QTMAN: variants seen among roughly 807,000 people sequenced by gnomAD.
QTMAN encodes the protein tRNA-queuosine alpha-mannosyltransferase.
At chr2:144,262,016 G>A in the QTMAN span, among the ~76,000 whole-genome samples, 1 of 152,142 alleles carries the variant, frequency 6.6e-6, no homozygotes, top group Non-Finnish European at 1.5e-5. Context: ...AAGAAAGGAG[G>A]AGCATTAACA....
chr2:144,188,182 A>G, the QTMAN span, among the ~76,000 whole-genome samples: 1 of 152,248 alleles, frequency 6.6e-6, no homozygotes, highest in East Asian at 1.9e-4. Flanking sequence ...TGGTCAAATC[A>G]GTGCAAGAAG....
At chr2:143,988,516 G>A in the QTMAN span, among the ~76,000 whole-genome samples, 3 of 152,260 alleles carry the variant, frequency 2.0e-5, no homozygotes, top group Non-Finnish European at 2.9e-5. Flanking sequence ...ATACAGGATA[G>A]CTCTGATATG....
chr2:144,044,596 G>C, the QTMAN span, among the ~76,000 whole-genome samples: 24 of 151,958 alleles, frequency 1.6e-4, no homozygotes, highest in Non-Finnish European at 3.2e-4. Flanking sequence ...CCCCAAGCCA[G>C]GTAATAAAAG....
chr2:144,297,893 T>TA, the QTMAN span, among the ~76,000 whole-genome samples: 2 of 150,458 alleles, frequency 1.3e-5, no homozygotes, highest in South Asian at 2.1e-4. Context: ...TTCCATCTCT[T>TA]AAAAAAGAAA....
the QTMAN span, among the ~76,000 whole-genome samples, chr2:144,031,191 A>G: frequency 3.0e-4 from 44 of 147,260 alleles, 1 homozygote; most frequent in South Asian, 9.0e-3. Flanking sequence ...GACAACTGTT[A>G]TTTTTTTTTT....
the QTMAN span, among the ~76,000 whole-genome samples, chr2:144,310,159 C>T: frequency 6.6e-6 from 1 of 152,068 alleles, no homozygotes; most frequent in Non-Finnish European, 1.5e-5. Flanking sequence ...ATCTCAAGAC[C>T]CAAGAAAGAT....
At chr2:143,991,968 G>T in the QTMAN span, among the ~76,000 whole-genome samples, 2 of 152,004 alleles carry the variant, frequency 1.3e-5, no homozygotes, top group African/African-American at 4.8e-5. Context: ...GGGCGCCTCT[G>T]CCCGGCCGCC....
At chr2:144,007,488 A>C in the QTMAN span, 818 of 1,608,948 alleles carry the variant, frequency 5.1e-4, 5 homozygotes, top group African/African-American at 9.1e-3. Context: ...ATTTCCTTTA[A>C]GGCCGAGCAT....
At chr2:144,229,295 G>T in the QTMAN span, among the ~76,000 whole-genome samples, 1 of 152,168 alleles carries the variant, frequency 6.6e-6, no homozygotes, top group East Asian at 1.9e-4. Flanking sequence ...CATCAACTCC[G>T]TACACTACAT....
the QTMAN span, among the ~76,000 whole-genome samples, chr2:144,233,700 G>T: frequency 6.6e-6 from 1 of 152,124 alleles, no homozygotes; most frequent in Non-Finnish European, 1.5e-5. Context: ...AGTTTGGGGG[G>T]GATTTTCTTG....
the QTMAN span, among the ~76,000 whole-genome samples, chr2:144,246,390 G>C: frequency 6.6e-6 from 1 of 150,684 alleles, no homozygotes; most frequent in South Asian, 2.1e-4. Context: ...TGGCTAACAA[G>C]GTGAAACCCC....
At chr2:143,978,303 C>G in the QTMAN span, among the ~76,000 whole-genome samples, 1 of 152,174 alleles carries the variant, frequency 6.6e-6, no homozygotes. Context: ...TCCTAATGAC[C>G]TTTTCCCCAG....
chr2:144,136,324 A>T, the QTMAN span, among the ~76,000 whole-genome samples: 1 of 150,042 alleles, frequency 6.7e-6, no homozygotes, highest in East Asian at 2.0e-4. Flanking sequence ...AGACCCTGTC[A>T]AAAGAGGGGA....
the QTMAN span, among the ~76,000 whole-genome samples, chr2:144,297,289 T>C: frequency 6.6e-6 from 1 of 152,172 alleles, no homozygotes; most frequent in African/African-American, 2.4e-5. Context: ...CAGACATTGT[T>C]TTAAAAGTGT....
the QTMAN span, among the ~76,000 whole-genome samples, chr2:143,978,894 A>C: frequency 3.3e-5 from 5 of 152,326 alleles, no homozygotes; most frequent in East Asian, 9.7e-4. Context: ...AATACATTCA[A>C]AACGCTTACT....
chr2:144,007,218 T>A, the QTMAN span: 3 of 1,608,434 alleles, frequency 1.9e-6, no homozygotes, highest in Non-Finnish European at 2.5e-6. Context: ...CAGTCTTTGC[T>A]GATTATCAAC....
the QTMAN span, among the ~76,000 whole-genome samples, chr2:144,314,700 A>G: frequency 0.14 from 21,084 of 152,130 alleles, 2,605 homozygotes; most frequent in African/African-American, 0.34. Context: ...GTGACAGAGT[A>G]AGACTCCGTC....
At chr2:144,057,302 A>G in the QTMAN span, among the ~76,000 whole-genome samples, 1 of 152,178 alleles carries the variant, frequency 6.6e-6, no homozygotes, top group Non-Finnish European at 1.5e-5. Context: ...CCAACCATCC[A>G]TTTATTCATC....
the QTMAN span, among the ~76,000 whole-genome samples, chr2:144,162,190 T>C: frequency 6.6e-6 from 1 of 152,196 alleles, no homozygotes; most frequent in Non-Finnish European, 1.5e-5. Context: ...GGAGAAACCA[T>C]GCTGACACTG....
Sources: allele counts gnomAD v4.1 joint callset (sites outside exome capture counted in the v4.1 genomes callset), GRCh38; gene constraint gnomAD v4.1.1; transcripts MANE v1.5; gene names NCBI Gene and HGNC (gene_info 2026-07-23, HGNC 2026-07-21).